Variants in ADAMTS6 observed in about 807,000 individuals in gnomAD.
The protein encoded by ADAMTS6 is ADAM metallopeptidase with thrombospondin type 1 motif 6.
Under a neutral mutation model 144.3 loss-of-function variants are expected in ADAMTS6, and 23 were observed. That is an observed-to-expected ratio of 0.16 (90% CI 0.11 to 0.23). The LOEUF is 0.23. Among genes scored for constraint, ADAMTS6 ranks in the 10% least tolerant of loss-of-function variants. The pLI is 1.00. For missense variants in ADAMTS6, 999 were observed against 1,379.6 expected, an observed-to-expected ratio of 0.72 and a Z score of 4.37; for synonymous variants, 444 against 457.5, an observed-to-expected ratio of 0.97 and a Z score of 0.38.
chr5:65,475,337 GA>G (rs1760769387), intron 1 of ADAMTS6, among the ~76,000 whole-genome samples: 1 of 152,064 alleles, frequency 6.6e-6, no homozygotes, highest in African/African-American at 2.4e-5. Flanking sequence ...CTAAGCCTTG[GA>G]AAAGCTAATT....
chr5:65,410,591 C>T (rs563331912), intron 7 of ADAMTS6, among the ~76,000 whole-genome samples: 18 of 152,164 alleles, frequency 1.2e-4, no homozygotes, highest in African/African-American at 4.3e-4. Flanking sequence ...TTAATATTAT[C>T]ATTAACTATA....
intron 7 of ADAMTS6, among the ~76,000 whole-genome samples, chr5:65,422,397 C>T (rs1436217047): frequency 6.6e-6 from 1 of 152,126 alleles, no homozygotes; most frequent in Non-Finnish European, 1.5e-5. Context: ...TTTGGGAGTC[C>T]AAGGCGGGCG....
intron 3 of ADAMTS6, among the ~76,000 whole-genome samples, chr5:65,462,445 C>T (rs1195901793): frequency 1.3e-5 from 2 of 152,142 alleles, no homozygotes; most frequent in Admixed American, 1.3e-4. Context: ...AAGAACAATC[C>T]AGAGATTTTA....
At chr5:65,344,773 G>A (rs147887371) in intron 7 of ADAMTS6, among the ~76,000 whole-genome samples, 8 of 151,718 alleles carry the variant, frequency 5.3e-5, no homozygotes, top group Non-Finnish European at 7.4e-5. Context: ...AGACATATTC[G>A]TCTTATTTTC....
chr5:65,475,898 GCCCCTGTGGCAGTGTAGACT>G (rs1018316110), intron 1 of ADAMTS6, among the ~76,000 whole-genome samples: 4 of 152,116 alleles, frequency 2.6e-5, no homozygotes, highest in Non-Finnish European at 5.9e-5. Flanking sequence ...AATATACTCT[GCCCCTGTGGCAGTGTAGACT>G]CTGATGAGCC....
rs530257700 is a variant in ADAMTS6, at chr5:65,364,951, C to T, written c.1074-30866G>A. ...TTACGAGGTTATAGATCTTGCCAGA[C>T]TAATGAAGATCTGCATCATTTATAA... On this transcript the variant is annotated intron_variant, in intron 7 of 24. Transcript: ENST00000381055. 7.2e-5 allele frequency among the ~76,000 whole-genome samples: 11 copies of T among 152,264 alleles called. No homozygotes were observed. The East Asian group carries it at 1.9e-3, about 27-fold the overall frequency.
intron 7 of ADAMTS6, among the ~76,000 whole-genome samples, chr5:65,424,043 G>A (rs1756298749): frequency 6.6e-6 from 1 of 151,908 alleles, no homozygotes. Context: ...CACTAAGAAT[G>A]ACCTCATCAC....
At chr5:65,472,777 T>G (rs914910811) in intron 2 of ADAMTS6, among the ~76,000 whole-genome samples, 1 of 152,172 alleles carries the variant, frequency 6.6e-6, no homozygotes, top group African/African-American at 2.4e-5. Context: ...TATAAATAAT[T>G]AGAGTTCATA....
At position 65,277,934 on chromosome 5, in the gene ADAMTS6, C is replaced by A. The variant is rs2112685859; in HGVS notation, c.1513-4487G>T. On this transcript the variant is annotated intron_variant, in intron 11 of 24. Coordinates refer to ENST00000381055, the MANE Select transcript of ADAMTS6 (RefSeq NM_197941.4). ...TTTTGAGATTTTAGTGCACCTCTCACCTGAGTAGTGTACACTGTAACTAAT... is the reference window on the plus strand; with the variant it reads ...TTTTGAGATTTTAGTGCACCTCTCAACTGAGTAGTGTACACTGTAACTAAT... 2.0e-5 allele frequency among the ~76,000 whole-genome samples: 3 copies of A among 152,242 alleles called. 1 individual carries two copies. The highest frequency in any genetic ancestry group is 2.0e-4 in the Admixed American group (3 of 15,284).
intron 24 of ADAMTS6, among the ~76,000 whole-genome samples, chr5:65,154,098 C>G (rs868411891): frequency 6.6e-6 from 1 of 152,156 alleles, no homozygotes; most frequent in Non-Finnish European, 1.5e-5. Context: ...GTCCCAGCTA[C>G]TCAGGAGGCT....
At chr5:65,264,224 A>C (rs1446066890) in intron 12 of ADAMTS6, among the ~76,000 whole-genome samples, 1 of 152,150 alleles carries the variant, frequency 6.6e-6, no homozygotes, top group African/African-American at 2.4e-5. Flanking sequence ...AAAAAAACTC[A>C]GTGGTTTCCT....
Position 65,262,917 on chromosome 5 carries a change from T to C in ADAMTS6, c.1666A>G (p.Ser556Gly). The C allele has an allele frequency of 4.3e-6, 7 of 1,613,658 alleles. No homozygotes were observed. The highest frequency in any genetic ancestry group is 5.9e-6 in the Non-Finnish European group (7 of 1,179,830). ...CAGGGACCCCAGCCCCCATCTATGC[T>C]CTGGGGCCAAGTGCCAAAAGGAACA... ...DCVPFGTWPQ[S>G]IDGGWGPWSL... Residue 556 changes from serine (S) to glycine (G), a missense_variant, in exon 13 of 25, where the codon AGC becomes GGC. Physicochemically the swap from Ser to Gly is moderately conservative, Grantham distance 56 (BLOSUM62 0). Transcript: ENST00000381055.
intron 20 of ADAMTS6, among the ~76,000 whole-genome samples, chr5:65,206,838 T>TCACACACA (rs147509641): frequency 4.1e-5 from 6 of 145,048 alleles, no homozygotes; most frequent in East Asian, 2.0e-4. Flanking sequence ...TCTCTCTCTC[T>TCACACACA]CACACACACA....
chr5:65,216,301 C>A (rs1756912282), intron 18 of ADAMTS6, among the ~76,000 whole-genome samples: 1 of 151,832 alleles, frequency 6.6e-6, no homozygotes, highest in African/African-American at 2.4e-5. Flanking sequence ...TGATGAAACT[C>A]AAAAACATTA....
At chr5:65,165,898 G>C (rs1412228310) in intron 24 of ADAMTS6, among the ~76,000 whole-genome samples, 1 of 140,534 alleles carries the variant, frequency 7.1e-6, no homozygotes, top group Non-Finnish European at 1.6e-5. Flanking sequence ...ACATGGAAAG[G>C]AACAACCGGT....
At chr5:65,370,727 T>TA (rs1290292557) in intron 7 of ADAMTS6, among the ~76,000 whole-genome samples, 1 of 152,100 alleles carries the variant, frequency 6.6e-6, no homozygotes. Flanking sequence ...CAGGCTTGCT[T>TA]AGGTAAACAA....
chr5:65,179,490 G>A (rs1350799384), intron 22 of ADAMTS6, among the ~76,000 whole-genome samples: 1 of 152,156 alleles, frequency 6.6e-6, no homozygotes, highest in Non-Finnish European at 1.5e-5. Context: ...TCACCTTGAA[G>A]TTTGATACCT....
At chr5:65,386,140 T>C (rs1752457236) in intron 7 of ADAMTS6, among the ~76,000 whole-genome samples, 1 of 152,202 alleles carries the variant, frequency 6.6e-6, no homozygotes, top group South Asian at 2.1e-4. Flanking sequence ...CTCAACTACA[T>C]CTTAAATATG....
chr5:65,457,138 A>T (rs1016983917), intron 4 of ADAMTS6, among the ~76,000 whole-genome samples: 1 of 152,242 alleles, frequency 6.6e-6, no homozygotes. Context: ...TGCCCAGAAC[A>T]TAGGGAAATA....
Sources: allele counts gnomAD v4.1 joint callset (sites outside exome capture counted in the v4.1 genomes callset), GRCh38; gene constraint gnomAD v4.1.1; transcripts MANE v1.5; gene names NCBI Gene and HGNC (gene_info 2026-07-23, HGNC 2026-07-21).